The following TTC17 variants were observed in gnomAD, a reference collection of about 807,000 sequenced individuals.
TTC17 encodes the protein tetratricopeptide repeat protein 17.
Under a neutral mutation model 143.8 loss-of-function variants are expected in TTC17, and 58 were observed. The observed-to-expected ratio is 0.40, with a 90% CI of 0.33 to 0.50. The LOEUF (loss-of-function observed/expected upper bound fraction) is 0.50. TTC17 is among the 20% of genes least tolerant of loss of function. The pLI is 0.49. For synonymous variants in TTC17, 501 were observed against 497.8 expected (o/e 1.01, Z -0.09); for missense variants, 1,273 against 1,392.5 (o/e 0.91, Z 1.37).
chr11:43,417,056 C>G (rs565020616), intron 16 of TTC17, among the ~76,000 whole-genome samples: 59 of 152,192 alleles, frequency 3.9e-4, no homozygotes, highest in African/African-American at 1.3e-3. Context: ...TTTAAAAATT[C>G]ATTAGTAGTA....
chr11:43,437,425 T>G (rs564287852), intron 16 of TTC17, among the ~76,000 whole-genome samples: 1 of 152,332 alleles, frequency 6.6e-6, no homozygotes, highest in African/African-American at 2.4e-5. Flanking sequence ...TTAGTCTGTA[T>G]GTGAAGAAAG....
chr11:43,359,208 GC>G, intron 1 of TTC17, 95 bp downstream of exon 1: 2 of 1,402,404 alleles, frequency 1.4e-6, no homozygotes, highest in Non-Finnish European at 1.9e-6. Context: ...GCGCGGCCCC[GC>G]CCCCAGCCTA....
intron 21 of TTC17, among the ~76,000 whole-genome samples, chr11:43,481,976 AT>A (rs1275742029): frequency 1.3e-5 from 2 of 151,822 alleles, no homozygotes; most frequent in Non-Finnish European, 2.9e-5. Context: ...TGCCTGGCTA[AT>A]TTTTGTATTT....
In TTC17 at chr11:43,442,061, A is replaced by G. The variant is rs182473565; in HGVS notation, c.2252-1264A>G. ...ATAGCCTACTGCACTCCCGCGTTAT[A>G]TTGTGTAGCTTCTTGCTCCTAGGCT... On this transcript the variant is annotated intron_variant, in intron 16 of 23. Coordinates refer to ENST00000039989, the MANE Select transcript of TTC17 (RefSeq NM_018259.6). Among the ~76,000 whole-genome samples the G allele has an allele frequency of 3.3e-5, 5 of 152,284 alleles. No individual in the cohort carries two copies. In the East Asian group the frequency reaches 9.6e-4, roughly 29 times the overall value.
intron 21 of TTC17, among the ~76,000 whole-genome samples, chr11:43,474,027 A>T (rs1724760035): frequency 1.3e-5 from 2 of 152,364 alleles, no homozygotes; most frequent in South Asian, 4.1e-4. Context: ...ATTGGCAAAA[A>T]CATTAAAACA....
Position 43,441,295 on chromosome 11 carries a change from C to G in TTC17, c.2252-2030C>G, listed in dbSNP as rs1281810122. On this transcript the variant is annotated intron_variant, in intron 16 of 23. Transcript: ENST00000039989. ...TATCTCAAAAAAAAAAAAAAAGTCC[C>G]TATGGGGAGTGACCTCCCTGACCCT... Among the ~76,000 whole-genome samples the G allele has an allele frequency of 2.0e-5, 3 of 151,266 alleles. No individual in the cohort carries two copies. The East Asian group carries it at 5.8e-4, about 29-fold the overall frequency.
chr11:43,407,540 A>G lies in TTC17; in HGVS notation c.2027A>G (p.Lys676Arg). The change falls in exon 15 of 24, where the codon AAG (lysine) becomes AGG (arginine). Residue 676 changes from lysine to arginine, a missense_variant. Around this residue, in one of 3 missense-constraint regions of TTC17, gnomAD observed 878 missense variants for 899.8 expected, o/e 0.98. Coordinates refer to ENST00000039989, the MANE Select transcript of TTC17 (RefSeq NM_018259.6). ...TACGGCCTTCATCTTGATGCCACTA[A>G]GCTGCTACTTCAAGCTTTGGCCATC... is the stretch of plus-strand genomic sequence containing the variant. ...IHYGLHLDAT[K>R]LLLQALAINS... 6.2e-7 allele frequency: 1 copy of G among 1,613,948 alleles called. No individual in the cohort carries two copies. The highest frequency in any genetic ancestry group is 8.5e-7 in the Non-Finnish European group (1 of 1,179,958).
At chr11:43,490,854 CAAAAAAAAAAAAAAA>C (rs57074352) in intron 22 of TTC17, 1 of 66,562 alleles carries the variant, frequency 1.5e-5, no homozygotes, top group South Asian at 8.3e-4. Context: ...ACTTTTTCCA[CAAAAAAAAAAAAAAA>C]AAAAAAAAAA....
chr11:43,449,787 C>G (rs1033447022), intron 19 of TTC17: 1 of 311,918 alleles, frequency 3.2e-6, no homozygotes, highest in Admixed American at 4.7e-5. Flanking sequence ...GGCTGTATCT[C>G]TATAAGATTT....
intron 1 of TTC17, chr11:43,370,386 G>A (rs536700355): frequency 1.6e-5 from 3 of 190,552 alleles, no homozygotes; most frequent in Admixed American, 1.2e-4. Flanking sequence ...GGGAAGAAAG[G>A]TAAGGAGCAA....
chr11:43,379,036 C>G, intron 1 of TTC17, 197 bp from the exon 2 acceptor site: 1 of 535,044 alleles, frequency 1.9e-6, no homozygotes, highest in Non-Finnish European at 3.2e-6. Context: ...TTGGAGTTCA[C>G]AGGACAACTG....
At position 43,448,106 on chromosome 11, in the gene TTC17, T is replaced by G; in HGVS notation, c.2770T>G (p.Ser924Ala). Residue 924 changes from serine (S) to alanine (A), a missense_variant, in exon 19 of 24, where the codon TCT (serine) becomes GCT (alanine). Ser to Ala is a moderately conservative substitution (Grantham distance 99). Around this residue, in one of 3 missense-constraint regions of TTC17, gnomAD observed 878 missense variants for 899.8 expected, o/e 0.98. Transcript: ENST00000039989. ...CATCGTGAGTACCTGGCTTGCAGTTTCTTCAAAAAACATTGAGTAAGTATG... is the reference window on the plus strand; with the variant it reads ...CATCGTGAGTACCTGGCTTGCAGTTGCTTCAAAAAACATTGAGTAAGTATG... ...TAIVSTWLAV[S>A]SKNIDITEHI... 2 of 1,614,096 alleles carry G rather than the reference T, an allele frequency of 1.2e-6. No individual in the cohort carries two copies. The highest frequency in any genetic ancestry group is 2.2e-5 in the South Asian group (2 of 91,078).
At chr11:43,490,714 G>C (rs1476957303) in intron 22 of TTC17, 1 of 155,964 alleles carries the variant, frequency 6.4e-6, no homozygotes, top group Non-Finnish European at 1.4e-5. Flanking sequence ...CTTGTCATCA[G>C]GGGCCTGGTG....
intron 5 of TTC17, among the ~76,000 whole-genome samples, chr11:43,393,762 T>G (rs1857477852): frequency 6.6e-6 from 1 of 152,200 alleles, no homozygotes; most frequent in Admixed American, 6.5e-5. Context: ...ACTCCTGTGA[T>G]TCTTCAAGTT....
At chr11:43,481,057 AGGT>A (rs563266562) in intron 21 of TTC17, among the ~76,000 whole-genome samples, 603 of 6,408 alleles carry the variant, frequency 0.094, 4 homozygotes, top group Admixed American at 0.12. Flanking sequence ...AATAAAAAGG[AGGT>A]AGTAGGCATA....
chr11:43,432,110 T>G (rs1375598349), intron 16 of TTC17, among the ~76,000 whole-genome samples: 1 of 152,220 alleles, frequency 6.6e-6, no homozygotes, highest in African/African-American at 2.4e-5. Context: ...GAAAATACTC[T>G]TCTAGCAATT....
At chr11:43,363,759 A>G (rs1856212208) in intron 1 of TTC17, among the ~76,000 whole-genome samples, 1 of 152,244 alleles carries the variant, frequency 6.6e-6, no homozygotes, top group African/African-American at 2.4e-5. Flanking sequence ...GTAAAAATGG[A>G]TTAGTCTGCA....
At chr11:43,382,015 C>G (rs1180750920) in intron 2 of TTC17, among the ~76,000 whole-genome samples, 1 of 152,152 alleles carries the variant, frequency 6.6e-6, no homozygotes, top group African/African-American at 2.4e-5. Context: ...GGGAAAGATG[C>G]AGGCTCAAGA....
chr11:43,426,568 T>C (rs1947032830), intron 16 of TTC17, among the ~76,000 whole-genome samples: 4 of 152,236 alleles, frequency 2.6e-5, no homozygotes, highest in Admixed American at 2.6e-4. Context: ...TAACATTGTT[T>C]GATAGAGGGA....
Sources: allele counts gnomAD v4.1 joint callset (sites outside exome capture counted in the v4.1 genomes callset), GRCh38; gene constraint gnomAD v4.1.1; regional missense constraint gnomAD v4.1.1; transcripts MANE v1.5; gene names NCBI Gene and HGNC (gene_info 2026-07-23, HGNC 2026-07-21).